The following CDH2 variants were observed in gnomAD, a reference collection of about 807,000 sequenced individuals.
CDH2 encodes the protein cadherin-2.
CDH2 carries 17 observed loss-of-function variants against 92.0 expected under a neutral mutation model. That is an observed-to-expected ratio of 0.18 (90% CI 0.13 to 0.28). The LOEUF (loss-of-function observed/expected upper bound fraction) is 0.28. Ranked by LOEUF, CDH2 falls within the 10% of genes least tolerant of loss-of-function variation. CDH2 has a pLI of 1.00. For synonymous variants in CDH2, 419 were observed against 415.9 expected (o/e 1.01, Z -0.09); for missense variants, 862 against 1,133.1 (o/e 0.76, Z 3.44).
intron 2 of CDH2, among the ~76,000 whole-genome samples, chr18:28,138,350 G>C (rs1268192225): frequency 6.6e-6 from 1 of 152,066 alleles, no homozygotes; most frequent in African/African-American, 2.4e-5. Flanking sequence ...AGACTTAACA[G>C]GAGCCAACAG....
At chr18:28,064,759 T>C (rs926201412) in intron 2 of CDH2, among the ~76,000 whole-genome samples, 1 of 152,004 alleles carries the variant, frequency 6.6e-6, no homozygotes, top group Non-Finnish European at 1.5e-5. Flanking sequence ...CCAATGTTAC[T>C]GGAGCCTTGA....
chr18:28,000,624 G>C (rs895602854), intron 7 of CDH2, among the ~76,000 whole-genome samples: 4 of 152,100 alleles, frequency 2.6e-5, no homozygotes, highest in African/African-American at 9.7e-5. Flanking sequence ...GAAATGGAAA[G>C]GCCAGGAATA....
chr18:28,094,792 T>TTA (rs765195383), intron 2 of CDH2, among the ~76,000 whole-genome samples: 2 of 82,386 alleles, frequency 2.4e-5, no homozygotes, highest in African/African-American at 9.7e-5. Context: ...AGACTCTGTC[T>TTA]AAAAAAAAAA....
chr18:27,983,198 C>T (rs189259803), intron 13 of CDH2, 115 bp from the exon 14 acceptor site: 30 of 679,690 alleles, frequency 4.4e-5, no homozygotes, highest in East Asian at 5.8e-5. Flanking sequence ...GCCTGAAATG[C>T]GTCTTTCACT....
chr18:28,159,154 G>A (rs1194968261), intron 1 of CDH2: 1 of 152,180 alleles, frequency 6.6e-6, no homozygotes, highest in Non-Finnish European at 1.5e-5. Flanking sequence ...CTTACCTGAA[G>A]CCTGCATTTG....
At chr18:27,984,401 A>C (rs1452847759) in intron 13 of CDH2, among the ~76,000 whole-genome samples, 3 of 152,198 alleles carry the variant, frequency 2.0e-5, no homozygotes, top group Non-Finnish European at 4.4e-5. Flanking sequence ...AAAGATTGCA[A>C]AGTACCTTAA....
chr18:28,095,848 T>C (rs993391406), intron 2 of CDH2, among the ~76,000 whole-genome samples: 6 of 136,990 alleles, frequency 4.4e-5, no homozygotes, highest in African/African-American at 1.7e-4. Context: ...AATTACCACA[T>C]ACTAATGACT....
At chr18:28,023,391 T>C (rs2047547721) in intron 2 of CDH2, among the ~76,000 whole-genome samples, 1 of 152,174 alleles carries the variant, frequency 6.6e-6, no homozygotes, top group Non-Finnish European at 1.5e-5. Flanking sequence ...TGGGGTGATG[T>C]TGGCTCACTG....
At chr18:27,967,662 A>G (rs375613902) in intron 14 of CDH2, among the ~76,000 whole-genome samples, 8 of 152,220 alleles carry the variant, frequency 5.3e-5, no homozygotes, top group African/African-American at 7.2e-5. Context: ...AATGTTTGGA[A>G]TATGTGTTAA....
chr18:28,162,041 T>C (rs2016314227), intron 1 of CDH2, among the ~76,000 whole-genome samples: 1 of 152,218 alleles, frequency 6.6e-6, no homozygotes, highest in South Asian at 2.1e-4. Context: ...TAACCTTGTC[T>C]TTATCAGTAA....
At chr18:28,020,240 A>T (rs2013371285) in intron 2 of CDH2, among the ~76,000 whole-genome samples, 1 of 152,102 alleles carries the variant, frequency 6.6e-6, no homozygotes, top group South Asian at 2.1e-4. Flanking sequence ...CTTAAAAGTT[A>T]ATAGGAAAAA....
At chr18:28,012,091 T>TAA in intron 3 of CDH2, 99 bp from the exon 4 acceptor site, 1 of 1,010,860 alleles carries the variant, frequency 9.9e-7, no homozygotes, top group Non-Finnish European at 1.4e-6. Context: ...GAATCACAGT[T>TAA]TATTATGAAC....
At chr18:27,950,049 T>C (rs1303586792), downstream of CDH2, among the ~76,000 whole-genome samples, 1 of 152,030 alleles carries the variant, frequency 6.6e-6, no homozygotes, top group African/African-American at 2.4e-5. Context: ...GAATCAATTT[T>C]AGAAAAGACT....
intron 2 of CDH2, among the ~76,000 whole-genome samples, chr18:28,140,912 C>CTA (rs764490634): frequency 9.9e-4 from 130 of 131,016 alleles, no homozygotes; most frequent in Middle Eastern, 4.0e-3. Flanking sequence ...ATATATATAC[C>CTA]TATATATATA....
chr18:28,099,607 C>A (rs1417050022), intron 2 of CDH2, among the ~76,000 whole-genome samples: 1 of 151,900 alleles, frequency 6.6e-6, no homozygotes, highest in Non-Finnish European at 1.5e-5. Flanking sequence ...TTAGTAAGGG[C>A]AAAACCAACC....
At chr18:28,086,791 T>C (rs959438801) in intron 2 of CDH2, among the ~76,000 whole-genome samples, 15 of 152,302 alleles carry the variant, frequency 9.8e-5, no homozygotes, top group Admixed American at 3.9e-4. Context: ...TTCTTTTGTA[T>C]CAGACAAAAG....
intron 1 of CDH2, among the ~76,000 whole-genome samples, chr18:28,157,237 A>T (rs776715543): frequency 2.4e-4 from 37 of 152,226 alleles, no homozygotes; most frequent in Middle Eastern, 3.2e-3. Context: ...CAGAGACTGC[A>T]ACACGCTTAT....
chr18:27,962,691 AAGC>A (rs1458693812), intron 15 of CDH2, among the ~76,000 whole-genome samples: 2 of 152,242 alleles, frequency 1.3e-5, no homozygotes, highest in African/African-American at 4.8e-5. Context: ...ACATGATCAG[AAGC>A]AGCAGCACAA....
chr18:28,021,793 C>T (rs1169306922), intron 2 of CDH2, among the ~76,000 whole-genome samples: 1 of 151,894 alleles, frequency 6.6e-6, no homozygotes, highest in Non-Finnish European at 1.5e-5. Context: ...CTAATTTTTG[C>T]TCAAGTAAAC....
Sources: gnomAD v4.1 joint callset for allele counts (sites outside exome capture counted in the v4.1 genomes callset) on GRCh38, gnomAD v4.1.1 for gene constraint, MANE v1.5 for transcripts, NCBI Gene and HGNC (gene_info 2026-07-23, HGNC 2026-07-21) for gene names.